KIF6: variants seen among roughly 807,000 people sequenced by gnomAD.
The protein encoded by KIF6 is kinesin-like protein KIF6.
In KIF6, 106 loss-of-function variants were observed where a neutral mutation model predicts 112.7. The ratio of observed to expected loss-of-function variants is 0.94; its 90% CI spans 0.80 to 1.11. The LOEUF is 1.11. Ranked by LOEUF, KIF6 falls within the 50% of genes least tolerant of loss-of-function variation. KIF6 has a pLI of 0.00. For synonymous variants in KIF6, 339 were observed against 339.9 expected, an observed-to-expected ratio of 1.00 and a Z score of 0.03; for missense variants, 929 against 964.0, an observed-to-expected ratio of 0.96 and a Z score of 0.48.
chr6:39,350,626 C>T (rs191033059), intron 19 of KIF6, among the ~76,000 whole-genome samples: 59 of 152,272 alleles, frequency 3.9e-4, no homozygotes, highest in Middle Eastern at 3.4e-3. Flanking sequence ...GAATCCTTCA[C>T]GTGAGATGTT....
chr6:39,583,304 C>T (rs1781400626), intron 9 of KIF6: 1 of 441,730 alleles, frequency 2.3e-6, no homozygotes, highest in African/African-American at 2.0e-5. Context: ...GGGACAGCAA[C>T]AAAATCCACC....
chr6:39,446,429 C>T (rs1057160738), intron 13 of KIF6, among the ~76,000 whole-genome samples: 1 of 152,190 alleles, frequency 6.6e-6, no homozygotes, highest in Non-Finnish European at 1.5e-5. Flanking sequence ...ATGCTCCAAA[C>T]AAGATTTCTT....
At chr6:39,503,872 GA>G (rs1394157585) in intron 13 of KIF6, among the ~76,000 whole-genome samples, 1 of 143,658 alleles carries the variant, frequency 7.0e-6, no homozygotes, top group African/African-American at 2.6e-5. Flanking sequence ...AAAGAAAAAA[GA>G]AAAAAGAAAA....
chr6:39,637,753 G>A (rs953998234), intron 4 of KIF6, among the ~76,000 whole-genome samples: 11 of 152,030 alleles, frequency 7.2e-5, no homozygotes, highest in South Asian at 2.1e-4. Flanking sequence ...CAGTTTCACC[G>A]CAGCTGTTTG....
In KIF6 at chr6:39,378,860, G is replaced by A. The variant is rs562262455; in HGVS notation, c.1861+6762C>T. ...GCTGGATTCTTCCAGTTTTAGTCCT[G>A]CTCTGTGTGGCCATCAGAAAGCTGA... On this transcript the variant is annotated intron_variant, in intron 16 of 22. Transcript: ENST00000287152. The surrounding 1 kb of genome is among the most constrained non-coding windows in gnomAD (Gnocchi z 5.0). Among the ~76,000 whole-genome samples, 4 of 152,308 alleles carry A rather than the reference G, an allele frequency of 2.6e-5. No homozygotes were observed. Among genetic ancestry groups the A allele is most frequent in the African/African-American group, 9.6e-5 (4 of 41,562 alleles).
At chr6:39,695,537 C>A (rs1417143846) in intron 3 of KIF6, among the ~76,000 whole-genome samples, 3 of 151,906 alleles carry the variant, frequency 2.0e-5, no homozygotes, top group Non-Finnish European at 4.4e-5. Flanking sequence ...AATGGGCAAC[C>A]AAGATAAAAA....
At chr6:39,607,223 T>C (rs1297258317) in intron 6 of KIF6, among the ~76,000 whole-genome samples, 1 of 152,178 alleles carries the variant, frequency 6.6e-6, no homozygotes, top group African/African-American at 2.4e-5. Context: ...ATGGAGTATA[T>C]AAATCTTAAA....
At chr6:39,611,232 C>T (rs554700380) in intron 6 of KIF6, among the ~76,000 whole-genome samples, 40 of 152,138 alleles carry the variant, frequency 2.6e-4, no homozygotes, top group Middle Eastern at 3.4e-3. Flanking sequence ...GGCTTGAACC[C>T]GGGAGATGGA....
At chr6:39,540,308 C>T in intron 12 of KIF6, 87 bp from the exon 13 acceptor site, 2 of 863,712 alleles carry the variant, frequency 2.3e-6, no homozygotes, top group East Asian at 4.9e-5. Flanking sequence ...ATGTTCCTAA[C>T]ATTTGCTATT....
intron 3 of KIF6, among the ~76,000 whole-genome samples, chr6:39,684,145 C>A (rs1787703962): frequency 6.6e-6 from 1 of 152,172 alleles, no homozygotes; most frequent in African/African-American, 2.4e-5. Context: ...TCTTGCCCTG[C>A]AGCAGATACT....
In KIF6 at chr6:39,476,254, C is replaced by T. The variant is rs1247943641; in HGVS notation, c.1646-45093G>A. On this transcript the variant is annotated intron_variant, in intron 13 of 22. Transcript: ENST00000287152. ...AAAAGTCACTTCAAGTACCAGGGCA[C>T]CATGGAGATTCCTGCTGTGATCTTA... Among the ~76,000 whole-genome samples the T allele has an allele frequency of 1.3e-5, 2 of 151,480 alleles. 1 individual carries two copies. The highest frequency in any genetic ancestry group is 6.4e-3 in the Middle Eastern group (2 of 314).
chr6:39,580,197 C>A (rs552380123), intron 9 of KIF6, among the ~76,000 whole-genome samples: 1 of 151,986 alleles, frequency 6.6e-6, no homozygotes, highest in African/African-American at 2.4e-5. Context: ...TTTTTAAATA[C>A]CTTACGTGTC....
At chr6:39,633,010 G>A (rs1435811962) in intron 5 of KIF6, among the ~76,000 whole-genome samples, 1 of 151,868 alleles carries the variant, frequency 6.6e-6, no homozygotes, top group Non-Finnish European at 1.5e-5. Context: ...ATTGAGTGAT[G>A]ATAATAAATT....
At chr6:39,535,302 T>G (rs544443016) in intron 13 of KIF6, among the ~76,000 whole-genome samples, 1 of 152,282 alleles carries the variant, frequency 6.6e-6, no homozygotes, top group African/African-American at 2.4e-5. Context: ...ATCAGTGTGC[T>G]GTATTCAGGA....
intron 10 of KIF6, among the ~76,000 whole-genome samples, chr6:39,577,268 A>G (rs935748484): frequency 1.3e-5 from 2 of 152,258 alleles, no homozygotes; most frequent in African/African-American, 2.4e-5. Context: ...GAAATAGTTT[A>G]AAGACAACCA....
At chr6:39,711,502 T>C (rs1015063581) in intron 3 of KIF6, among the ~76,000 whole-genome samples, 1 of 152,032 alleles carries the variant, frequency 6.6e-6, no homozygotes, top group Non-Finnish European at 1.5e-5. Flanking sequence ...TCCTGAGTAG[T>C]TGGAACTATA....
intron 7 of KIF6, among the ~76,000 whole-genome samples, chr6:39,588,304 C>G (rs1781745731): frequency 6.6e-6 from 1 of 152,136 alleles, no homozygotes; most frequent in South Asian, 2.1e-4. Context: ...GCCTTTGCCT[C>G]CTGGGTTCAA....
intron 13 of KIF6, among the ~76,000 whole-genome samples, chr6:39,472,055 C>T: frequency 6.6e-6 from 1 of 152,166 alleles, no homozygotes; most frequent in East Asian, 1.9e-4. Flanking sequence ...CACTCCTTTA[C>T]TAACTTGCAC....
At position 39,342,816 on chromosome 6, in the gene KIF6, C is replaced by T. The variant is rs546808326; in HGVS notation, c.2428+893G>A. The T allele has an allele frequency of 1.1e-3, 1,047 of 985,276 alleles. 8 individuals are homozygous for T. The African/African-American group carries it at 0.016, about 15-fold the overall frequency. The allele number at this position is 985,276 out of a possible 1,614,324, so 61.0% of individuals were successfully genotyped here. A position where few individuals can be genotyped will look rare whatever the true frequency, so the allele number is the denominator to read the frequency against. On this transcript the variant is annotated intron_variant, in intron 22 of 22. Transcript: ENST00000287152. This position sits in a 1 kb window ranked among gnomAD's most constrained non-coding sequence, Gnocchi z 4.7. ...GACCAAGGCCGGCTCTCAGTTGCGG[C>T]GCTCCATCCATGCACAAACCTCTTC...
Sources: allele counts gnomAD v4.1 joint callset (sites outside exome capture counted in the v4.1 genomes callset), GRCh38; gene constraint gnomAD v4.1.1; non-coding constraint Gnocchi (gnomAD v3.1); transcripts MANE v1.5; gene names NCBI Gene and HGNC (gene_info 2026-07-23, HGNC 2026-07-21).